The following HACE1 variants were observed in gnomAD, a reference collection of about 807,000 sequenced individuals.
The protein encoded by HACE1 is E3 ubiquitin-protein ligase HACE1.
HACE1 carries 73 observed loss-of-function variants against 118.4 expected under a neutral mutation model. That is an observed-to-expected ratio of 0.62 (90% CI 0.51 to 0.75). The LOEUF is 0.75. Ranked by LOEUF, HACE1 falls within the 30% of genes least tolerant of loss-of-function variation. The pLI is 0.00. For synonymous variants in HACE1, 368 were observed against 374.8 expected (o/e 0.98, Z 0.21); for missense variants, 749 against 1,102.2 (o/e 0.68, Z 4.54).
chr6:104,754,342 A>T (rs1045331968), intron 19 of HACE1, among the ~76,000 whole-genome samples: 1 of 152,204 alleles, frequency 6.6e-6, no homozygotes, highest in Non-Finnish European at 1.5e-5. Flanking sequence ...AGGATATCAT[A>T]TAGGAGAACT....
At chr6:104,746,054 C>T (rs1777395941) in intron 20 of HACE1, among the ~76,000 whole-genome samples, 1 of 152,150 alleles carries the variant, frequency 6.6e-6, no homozygotes. Context: ...ATTTGCAAAA[C>T]TGTTAAACAG....
intron 19 of HACE1, among the ~76,000 whole-genome samples, chr6:104,758,537 C>T (rs1238519000): frequency 5.5e-5 from 8 of 146,456 alleles, no homozygotes; most frequent in African/African-American, 2.1e-4. Flanking sequence ...CTTGCAAGAG[C>T]TCCTGAAGGA....
intron 1 of HACE1, among the ~76,000 whole-genome samples, chr6:104,859,039 A>C (rs57112438): frequency 0.11 from 16,687 of 152,222 alleles, 956 homozygotes; most frequent in Admixed American, 0.15. Flanking sequence ...GTGTTTACCC[A>C]TACAGTACTT....
At chr6:104,740,494 C>T (rs1370367911) in intron 22 of HACE1, among the ~76,000 whole-genome samples, 2 of 152,192 alleles carry the variant, frequency 1.3e-5, no homozygotes, top group African/African-American at 2.4e-5. Context: ...ATTAATGCTA[C>T]AGAAATACAA....
In HACE1 at chr6:104,771,361, T is replaced by C. The variant is rs760618070; in HGVS notation, c.2043A>G (p.Ala681=). 3 of 1,612,218 alleles carry C rather than the reference T, an allele frequency of 1.9e-6. No homozygotes were observed. The highest frequency in any genetic ancestry group is 2.5e-6 in the Non-Finnish European group (3 of 1,178,386). Residue 681 remains alanine, a synonymous_variant, in exon 19 of 24, where the codon GCA becomes GCG. Coordinates refer to ENST00000262903, the MANE Select transcript of HACE1 (RefSeq NM_020771.4). The part of the protein sequence containing the change: ...LGIPVNYQDV[A]SIDPEYAKNL... The stretch of plus-strand genomic sequence containing the variant: ...TTTTCGCATATTCTGGATCAATGGA[T>C]GCCACATCTTGGTAATTTACAGGAA...
chr6:104,754,298 G>A lies in HACE1; in HGVS notation c.2212-3826C>T, dbSNP rs569044811. On this transcript the variant is annotated intron_variant, in intron 19 of 23. Transcript: ENST00000262903. ...ACTGACTGAGGTACCTGAAAGAGACGAGGAGAATGGAACCAAGTTGGAAAA... is the reference window on the plus strand; with the variant it reads ...ACTGACTGAGGTACCTGAAAGAGACAAGGAGAATGGAACCAAGTTGGAAAA... 1.4e-4 allele frequency among the ~76,000 whole-genome samples: 21 copies of A among 152,270 alleles called. 1 individual carries two copies. Among genetic ancestry groups the A allele is most frequent in the East Asian group, 1.4e-3 (7 of 5,176 alleles).
chr6:104,752,376 C>T (rs762936975), intron 19 of HACE1, among the ~76,000 whole-genome samples: 12 of 152,168 alleles, frequency 7.9e-5, no homozygotes, highest in Non-Finnish European at 1.8e-4. Flanking sequence ...GTGATACCTG[C>T]ATTAGCACAT....
chr6:104,772,133 A>G, intron 17 of HACE1, 59 bp from the exon 18 acceptor site: 1 of 940,800 alleles, frequency 1.1e-6, no homozygotes, highest in Admixed American at 1.9e-5. Flanking sequence ...AAGAAAGATT[A>G]CTTCGATGCA....
intron 5 of HACE1, among the ~76,000 whole-genome samples, chr6:104,840,655 C>G (rs1775015520): frequency 6.6e-6 from 1 of 151,742 alleles, no homozygotes; most frequent in Non-Finnish European, 1.5e-5. Context: ...CTGGTAAAAC[C>G]CCGTCTCTAT....
intron 6 of HACE1, among the ~76,000 whole-genome samples, chr6:104,826,544 T>C (rs929536389): frequency 4.6e-5 from 7 of 152,186 alleles, no homozygotes; most frequent in Admixed American, 1.3e-4. Context: ...ACCTAACAAT[T>C]GTGATTTACA....
chr6:104,857,183 ATATT>A (rs1582808309), intron 1 of HACE1, among the ~76,000 whole-genome samples: 1 of 145,726 alleles, frequency 6.9e-6, no homozygotes, highest in East Asian at 2.0e-4. Context: ...ATTTACATAT[ATATT>A]TACATATATA....
intron 5 of HACE1, among the ~76,000 whole-genome samples, chr6:104,839,308 G>C (rs1660928192): frequency 6.6e-6 from 1 of 152,084 alleles, no homozygotes; most frequent in East Asian, 1.9e-4. Context: ...AACAAATGGT[G>C]GTATATCCAC....
chr6:104,805,728 A>C (rs1373890608), intron 7 of HACE1, among the ~76,000 whole-genome samples: 1 of 152,164 alleles, frequency 6.6e-6, no homozygotes, highest in Non-Finnish European at 1.5e-5. Context: ...TGGGGGAGGG[A>C]TAGCATTAGG....
chr6:104,781,932 T>C (rs9404579), intron 14 of HACE1, among the ~76,000 whole-genome samples: 89,602 of 152,054 alleles, frequency 0.59, 28,855 homozygotes, highest in African/African-American at 0.87. Flanking sequence ...AATACAGATG[T>C]TTTTTGACTA....
chr6:104,795,237 A>G (rs1481519540), intron 10 of HACE1, among the ~76,000 whole-genome samples: 4 of 152,186 alleles, frequency 2.6e-5, no homozygotes, highest in Non-Finnish European at 1.5e-5. Flanking sequence ...GCTTGTACCT[A>G]ATTTTATTTT....
intron 6 of HACE1, among the ~76,000 whole-genome samples, chr6:104,826,852 C>CA (rs964399354): frequency 8.6e-5 from 13 of 151,756 alleles, no homozygotes; most frequent in African/African-American, 2.2e-4. Flanking sequence ...CTCTCCCCAC[C>CA]AAAAAAAACT....
At chr6:104,738,962 C>T (rs1484381939) in intron 22 of HACE1, among the ~76,000 whole-genome samples, 1 of 148,900 alleles carries the variant, frequency 6.7e-6, no homozygotes. Flanking sequence ...AGACTAACAG[C>T]GGATCTCTCG....
At chr6:104,737,644 G>A (rs1457025109) in intron 22 of HACE1, among the ~76,000 whole-genome samples, 9 of 152,190 alleles carry the variant, frequency 5.9e-5, no homozygotes, top group African/African-American at 2.2e-4. Flanking sequence ...GGCGCACCAC[G>A]AGATTATATC....
chr6:104,840,560 G>C (rs1487769218), intron 5 of HACE1, among the ~76,000 whole-genome samples: 5 of 152,228 alleles, frequency 3.3e-5, no homozygotes, highest in Admixed American at 6.5e-5. Flanking sequence ...CCGTCGCGGT[G>C]GCTCACACCT....
Sources: allele counts gnomAD v4.1 joint callset (sites outside exome capture counted in the v4.1 genomes callset), GRCh38; gene constraint gnomAD v4.1.1; transcripts MANE v1.5; gene names NCBI Gene and HGNC (gene_info 2026-07-23, HGNC 2026-07-21).